Variants in MTUS2 observed in about 807,000 individuals in gnomAD.
The protein encoded by MTUS2 is microtubule-associated tumor suppressor candidate 2.
A neutral mutation model predicts 114.1 loss-of-function variants in MTUS2; 40 were observed. That is an observed-to-expected ratio of 0.35 (90% CI 0.27 to 0.46). MTUS2 has a LOEUF of 0.46. Ranked by LOEUF, MTUS2 falls within the 20% of genes least tolerant of loss-of-function variation. The probability of loss-of-function intolerance (pLI) is 1.00; values close to 1 mark genes in which losing one functional copy is unlikely to be tolerated. For synonymous variants in MTUS2, 688 were observed against 672.0 expected (o/e 1.02, Z -0.37); for missense variants, 1,679 against 1,705.4 (o/e 0.98, Z 0.27).
rs369204445 is a variant in MTUS2, at chr13:28,903,179, CT to C, written c.-243+63332del. Reference sequence around the variant, plus strand: ...TTAGTTGTTCTTCATGTGAGAGTGTCTTTATTTCCCTCTTTATTCCTGAATG... The same window carrying C: ...TTAGTTGTTCTTCATGTGAGAGTGTCTTATTTCCCTCTTTATTCCTGAATG... On this transcript the variant is annotated intron_variant, in intron 2 of 15. Transcript: ENST00000612955. Among the ~76,000 whole-genome samples, 133 of 152,138 alleles carry C rather than the reference CT, an allele frequency of 8.7e-4. 1 individual carries two copies. Among genetic ancestry groups the C allele is most frequent in the African/African-American group, 2.9e-3 (121 of 41,508 alleles).
chr13:29,317,419 GCTCT>G lies in MTUS2; in HGVS notation c.2807-7183_2807-7180del, dbSNP rs1432620164. 7.0e-4 allele frequency among the ~76,000 whole-genome samples: 87 copies of G among 123,706 alleles called. 13 individuals carry two copies. Among genetic ancestry groups the G allele is most frequent in the African/African-American group, 1.8e-3 (60 of 32,446 alleles). 81.2% of individuals were successfully genotyped at this position (123,706 alleles called of 152,430 possible). A position where few individuals can be genotyped will look rare whatever the true frequency, so the allele number is the denominator to read the frequency against. The stretch of plus-strand genomic sequence containing the variant: ...CTCTCCTGAGTTCGCTTGTGCGCGC[GCTCT>G]CTCTCTCTCTTTTTTTTTTTTTTTT... On this transcript the variant is annotated intron_variant, in intron 6 of 15. Transcript: ENST00000612955.
chr13:29,440,730 C>T lies in MTUS2; in HGVS notation c.3184+681C>T, dbSNP rs544338815. On this transcript the variant is annotated intron_variant, in intron 9 of 15. Coordinates refer to ENST00000612955, the MANE Select transcript of MTUS2 (RefSeq NM_001033602.4). ...ATACACATGGTCTGTTCCTATTGCC[C>T]GCTATTCTCTTTACCAGTGAGCACT... Among the ~76,000 whole-genome samples, 9 of 152,068 alleles carry T rather than the reference C, an allele frequency of 5.9e-5. No individual in the cohort carries two copies. The South Asian group carries it at 1.0e-3, about 18-fold the overall frequency.
intron 6 of MTUS2, among the ~76,000 whole-genome samples, chr13:29,301,163 C>T (rs1199065588): frequency 6.6e-6 from 1 of 152,122 alleles, no homozygotes; most frequent in Non-Finnish European, 1.5e-5. Context: ...AGCTTGCCCC[C>T]CACCCCGAAC....
chr13:29,503,118 C>T lies in MTUS2; in HGVS notation c.4022C>T (p.Pro1341Leu). Reference sequence around the variant, plus strand: ...CTCCAAACTGGGGACCCGACCAGTCCGATTAAACTCTCGCCCACATCTCCC... The same window carrying T: ...CTCCAAACTGGGGACCCGACCAGTCTGATTAAACTCTCGCCCACATCTCCC... ...WKLQTGDPTSPIKLSPTSPVY... is the reference protein window; with the variant it reads ...WKLQTGDPTSLIKLSPTSPVY... The change falls in exon 16 of 16, where the codon CCG becomes CTG. Residue 1341 changes from proline (P) to leucine (L), a missense_variant. By Grantham distance (98) the Pro-to-Leu change is moderately conservative. This residue lies in a region of MTUS2 where 822 missense variants were observed against 899.7 expected (regional missense o/e 0.91). Coordinates refer to ENST00000612955, the MANE Select transcript of MTUS2 (RefSeq NM_001033602.4). 4.3e-6 allele frequency: 7 copies of T among 1,614,204 alleles called. No individual in the cohort carries two copies. The highest frequency in any genetic ancestry group is 5.9e-6 in the Non-Finnish European group (7 of 1,180,032).
At chr13:29,445,921 G>A (rs56394814) in intron 9 of MTUS2, among the ~76,000 whole-genome samples, 21,146 of 150,502 alleles carry the variant, frequency 0.14, 2,774 homozygotes, top group African/African-American at 0.36. Context: ...AAAAAAAAAA[G>A]AGAGAGTTTA....
chr13:29,118,076 A>G (rs946767723), intron 5 of MTUS2, among the ~76,000 whole-genome samples: 3 of 152,110 alleles, frequency 2.0e-5, no homozygotes, highest in Admixed American at 6.6e-5. Flanking sequence ...TTTTATTACA[A>G]TTAAGGAAAA....
chr13:29,244,517 T>A lies in MTUS2; in HGVS notation c.2645-37187T>A, dbSNP rs559405600. 1.3e-3 allele frequency among the ~76,000 whole-genome samples: 199 copies of A among 151,734 alleles called. 1 individual carries two copies. The highest frequency in any genetic ancestry group is 1.9e-3 in the South Asian group (9 of 4,754). ...ACTGAATGGGCCACTGAGATCCAGG[T>A]GAAAGACTGGTAAGGTGAGTGGCAT... On this transcript the variant is annotated intron_variant, in intron 5 of 15. Coordinates refer to ENST00000612955, the MANE Select transcript of MTUS2 (RefSeq NM_001033602.4).
At chr13:29,039,126 A>G (rs1887222890) in intron 4 of MTUS2, among the ~76,000 whole-genome samples, 1 of 152,166 alleles carries the variant, frequency 6.6e-6, no homozygotes, top group African/African-American at 2.4e-5. Flanking sequence ...CCATTGACAT[A>G]GAGGACTTTG....
chr13:29,106,339 G>T (rs1355033285), intron 5 of MTUS2, among the ~76,000 whole-genome samples: 1 of 152,162 alleles, frequency 6.6e-6, no homozygotes, highest in East Asian at 1.9e-4. Context: ...AACCCAGGTT[G>T]GGAATTTCAA....
chr13:29,450,792 A>G (rs1348767293), intron 9 of MTUS2, among the ~76,000 whole-genome samples: 1 of 152,382 alleles, frequency 6.6e-6, no homozygotes, highest in East Asian at 1.9e-4. Flanking sequence ...TGGAATGTCT[A>G]TATTCATATC....
At chr13:29,165,681 T>A (rs1201687807) in intron 5 of MTUS2, among the ~76,000 whole-genome samples, 1 of 152,360 alleles carries the variant, frequency 6.6e-6, no homozygotes, top group Admixed American at 6.5e-5. Context: ...TGTAGAGAAA[T>A]CTTCTGTATT....
At chr13:29,083,928 A>C (rs573765194) in intron 4 of MTUS2, among the ~76,000 whole-genome samples, 15 of 152,230 alleles carry the variant, frequency 9.9e-5, no homozygotes, top group Non-Finnish European at 1.2e-4. Flanking sequence ...AAATTTAGAC[A>C]ATAATTCCTG....
intron 9 of MTUS2, among the ~76,000 whole-genome samples, chr13:29,445,766 G>C (rs1025457981): frequency 6.6e-6 from 1 of 152,014 alleles, no homozygotes; most frequent in Non-Finnish European, 1.5e-5. Flanking sequence ...AAATTAGCCA[G>C]GTATGGTGGC....
At chr13:29,010,920 C>G (rs575055549) in intron 2 of MTUS2, among the ~76,000 whole-genome samples, 263 of 152,164 alleles carry the variant, frequency 1.7e-3, no homozygotes, top group African/African-American at 5.9e-3. Flanking sequence ...AGAGCTGCCC[C>G]TGGGAGAGGT....
chr13:29,167,956 G>C (rs753330430), intron 5 of MTUS2, among the ~76,000 whole-genome samples: 2 of 152,016 alleles, frequency 1.3e-5, no homozygotes, highest in Non-Finnish European at 2.9e-5. Context: ...CAAAACCAAT[G>C]TTTTTACGTC....
At chr13:28,965,062 A>G (rs1026346960) in intron 2 of MTUS2, among the ~76,000 whole-genome samples, 3 of 152,090 alleles carry the variant, frequency 2.0e-5, no homozygotes, top group African/African-American at 7.2e-5. Context: ...TTTTGGTAAC[A>G]TAGTGGAGAG....
rs897628868 is a variant in MTUS2, at chr13:29,492,470, C to G, written c.3506-176C>G. ...CTTCTTTCTTTCTCTCTCCTGAATA[C>G]TAACCTGGTCATGACATACAATTTC... On this transcript the variant is annotated intron_variant, in intron 11 of 15. Transcript: ENST00000612955. Among the ~76,000 whole-genome samples, 15 of 152,038 alleles carry G rather than the reference C, an allele frequency of 9.9e-5. No individual in the cohort carries two copies. In the Middle Eastern group the frequency reaches 0.01, roughly 103 times the overall value.
intron 2 of MTUS2, among the ~76,000 whole-genome samples, chr13:28,868,421 C>T (rs1877426403): frequency 6.6e-6 from 1 of 152,142 alleles, no homozygotes; most frequent in South Asian, 2.1e-4. Flanking sequence ...GCCACAGCCT[C>T]CATGTTATAT....
At chr13:29,071,073 CG>C (rs58377481) in intron 4 of MTUS2, among the ~76,000 whole-genome samples, 60,651 of 150,820 alleles carry the variant, frequency 0.4, 12,449 homozygotes, top group East Asian at 0.63. Context: ...GGTGCTATCT[CG>C]GTTCACTGCA....
Sources: gnomAD v4.1 joint callset for allele counts (sites outside exome capture counted in the v4.1 genomes callset) on GRCh38, gnomAD v4.1.1 for gene constraint, gnomAD v4.1.1 regional missense constraint, MANE v1.5 for transcripts, NCBI Gene and HGNC (gene_info 2026-07-23, HGNC 2026-07-21) for gene names.